Variants in POU2AF3 observed in about 807,000 individuals in gnomAD.
POU2AF3 encodes POU class 2 homeobox associating factor 3.
the POU2AF3 span, chr11:111,308,244 C>T: frequency 6.4e-7 from 1 of 1,551,816 alleles, no homozygotes; most frequent in East Asian, 2.4e-5. Context: ...TCCTCACACG[C>T]CCAGTACAGC....
At chr11:111,299,844 A>C in the POU2AF3 span, 1 of 721,488 alleles carries the variant, frequency 1.4e-6, no homozygotes, top group Non-Finnish European at 1.9e-6. Context: ...AGGCAAAGAC[A>C]GAAGGGAGCG....
chr11:111,299,159 G>A, the POU2AF3 span: 8 of 948,966 alleles, frequency 8.4e-6, no homozygotes, highest in South Asian at 3.4e-4. Flanking sequence ...CTTTCCTGGG[G>A]AGACCCTAAC....
At chr11:111,304,999 T>C in the POU2AF3 span, 13 of 1,228,574 alleles carry the variant, frequency 1.1e-5, no homozygotes, top group Non-Finnish European at 1.1e-5. Flanking sequence ...ACAGCCAGCA[T>C]TAACAGTTCC....
the POU2AF3 span, chr11:111,298,826 G>GGGGGGGGGGGGCCC: frequency 8.9e-6 from 7 of 790,954 alleles, no homozygotes; most frequent in South Asian, 6.7e-5. Context: ...CGTACCCCAG[G>GGGGGGGGGGGGCCC]CCCCCGCCCG....
chr11:111,306,654 T>C, the POU2AF3 span: 6 of 1,485,906 alleles, frequency 4.0e-6, no homozygotes, highest in East Asian at 7.4e-5. Flanking sequence ...ATATACCTGA[T>C]TGTGTCTAAC....
At chr11:111,306,702 G>A in the POU2AF3 span, 19 of 1,069,680 alleles carry the variant, frequency 1.8e-5, no homozygotes, top group Middle Eastern at 2.1e-4. Context: ...GCACCATCCC[G>A]TGGGAAATCA....
the POU2AF3 span, chr11:111,298,829 C>T: frequency 2.3e-5 from 9 of 388,154 alleles, no homozygotes; most frequent in Non-Finnish European, 3.9e-5. Context: ...ACCCCAGGCC[C>T]CCGCCCGCCC....
At chr11:111,301,164 A>G in the POU2AF3 span, among the ~76,000 whole-genome samples, 1 of 152,210 alleles carries the variant, frequency 6.6e-6, no homozygotes, top group East Asian at 1.9e-4. Context: ...CAGCTGGAGT[A>G]CAGGACCACT....
chr11:111,299,805 G>A, the POU2AF3 span: 2 of 1,046,958 alleles, frequency 1.9e-6, no homozygotes, highest in African/African-American at 1.6e-5. Flanking sequence ...GGAAAAGGCG[G>A]AGAAAAGGGA....
the POU2AF3 span, chr11:111,306,573 C>T: frequency 6.4e-7 from 1 of 1,551,754 alleles, no homozygotes; most frequent in Non-Finnish European, 8.7e-7. Flanking sequence ...TGCTCCACAC[C>T]ATTTCCCAGA....
the POU2AF3 span, chr11:111,306,408 C>T: frequency 6.9e-7 from 1 of 1,459,360 alleles, no homozygotes. Flanking sequence ...GTATTTTGAG[C>T]CTGAACCAAT....
the POU2AF3 span, chr11:111,299,393 T>A: frequency 3.0e-6 from 3 of 1,000,772 alleles, no homozygotes; most frequent in Non-Finnish European, 3.6e-6. Context: ...CACCTCCACC[T>A]TGAAAGCTCG....
chr11:111,302,559 G>A, the POU2AF3 span, among the ~76,000 whole-genome samples: 5 of 152,136 alleles, frequency 3.3e-5, no homozygotes, highest in Non-Finnish European at 5.9e-5. Context: ...GCTAATGTGA[G>A]GGTAACACAC....
At chr11:111,298,649 G>A in the POU2AF3 span, 2 of 1,235,138 alleles carry the variant, frequency 1.6e-6, no homozygotes, top group African/African-American at 3.1e-5. Flanking sequence ...CAATCCGGGT[G>A]TGTTTCCACG....
chr11:111,299,500 G>A, the POU2AF3 span: 1 of 1,138,970 alleles, frequency 8.8e-7, no homozygotes, highest in East Asian at 4.3e-5. Flanking sequence ...GCGCTCAGGG[G>A]TCCCTCCCAG....
chr11:111,306,540 C>G, the POU2AF3 span: 4 of 1,551,538 alleles, frequency 2.6e-6, no homozygotes, highest in Non-Finnish European at 3.5e-6. Context: ...GCACCCGGAG[C>G]CTTTGCTCAA....
At chr11:111,299,858 G>A in the POU2AF3 span, 4 of 628,398 alleles carry the variant, frequency 6.4e-6, no homozygotes, top group Non-Finnish European at 9.2e-6. Flanking sequence ...GGGAGCGAGG[G>A]AGGGAGTTCC....
the POU2AF3 span, chr11:111,298,793 G>C: frequency 2.5e-6 from 3 of 1,194,022 alleles, no homozygotes; most frequent in African/African-American, 4.7e-5. Context: ...CCCAGAGGCC[G>C]AGTTGGCCGC....
At chr11:111,299,007 C>T in the POU2AF3 span, 2 of 995,812 alleles carry the variant, frequency 2.0e-6, no homozygotes, top group South Asian at 4.7e-5. Flanking sequence ...CGAGGGGCGC[C>T]CGCTGCCCGC....
Sources: gnomAD v4.1 joint callset for allele counts (sites outside exome capture counted in the v4.1 genomes callset) on GRCh38, gnomAD v4.1.1 for gene constraint, MANE v1.5 for transcripts, NCBI Gene and HGNC (gene_info 2026-07-23, HGNC 2026-07-21) for gene names.